Variants in KHDRBS2 observed in about 807,000 individuals in gnomAD.
KHDRBS2 encodes KH RNA binding domain containing, signal transduction associated 2.
KHDRBS2 carries 26 observed loss-of-function variants against 44.3 expected under a neutral mutation model. That is an observed-to-expected ratio of 0.59 (90% CI 0.43 to 0.81). The LOEUF (loss-of-function observed/expected upper bound fraction) is 0.81, where lower values mean the gene tolerates loss of function less well. Among genes scored for constraint, KHDRBS2 ranks in the 40% least tolerant of loss-of-function variants. The pLI is 0.00. For missense variants in KHDRBS2, 476 were observed against 433.1 expected, an observed-to-expected ratio of 1.10 and a Z score of -0.88; for synonymous variants, 194 against 151.1, an observed-to-expected ratio of 1.28 and a Z score of -2.08.
chr6:61,559,535 G>A, the KHDRBS2 span, among the ~76,000 whole-genome samples: 1 of 151,966 alleles, frequency 6.6e-6, no homozygotes, highest in Non-Finnish European at 1.5e-5. Flanking sequence ...TTCTCTGATG[G>A]TATGTTTTAA....
At position 61,830,307 on chromosome 6, in the gene KHDRBS2, T is replaced by C. The variant is rs925991036; in HGVS notation, c.810+64328A>G. Among the ~76,000 whole-genome samples the C allele has an allele frequency of 3.9e-5, 6 of 152,176 alleles. 1 individual carries two copies. Among genetic ancestry groups the C allele is most frequent in the African/African-American group, 9.6e-5 (4 of 41,462 alleles). ...CTGTTTGGGGTAAGCCTGGAGTGAA[T>C]TTCAAGAATGATAAATTGACAGCTA... is the stretch of plus-strand genomic sequence containing the variant. On this transcript the variant is annotated intron_variant, in intron 6 of 8. Transcript: ENST00000281156.
At chr6:61,846,130 T>C (rs955857227) in intron 6 of KHDRBS2, among the ~76,000 whole-genome samples, 32 of 152,318 alleles carry the variant, frequency 2.1e-4, no homozygotes, top group African/African-American at 7.2e-4. Flanking sequence ...GAGCAGATGA[T>C]CCTATGCTTC....
intron 4 of KHDRBS2, among the ~76,000 whole-genome samples, chr6:61,913,795 T>C (rs568598842): frequency 2.6e-5 from 4 of 152,142 alleles, no homozygotes; most frequent in African/African-American, 7.2e-5. Flanking sequence ...GAGTCTGTCA[T>C]GTGTGGATCT....
At chr6:62,097,162 G>A (rs558269704) in intron 2 of KHDRBS2, among the ~76,000 whole-genome samples, 15 of 151,372 alleles carry the variant, frequency 9.9e-5, no homozygotes, top group East Asian at 1.9e-4. Flanking sequence ...GACCTAACCC[G>A]GAGACTATTT....
the KHDRBS2 span, among the ~76,000 whole-genome samples, chr6:61,598,856 T>TTG: frequency 8.5e-6 from 1 of 117,778 alleles, no homozygotes; most frequent in Non-Finnish European, 1.7e-5. Flanking sequence ...TTTTTTTTTT[T>TTG]TTGCACATCA....
intron 2 of KHDRBS2, among the ~76,000 whole-genome samples, chr6:62,057,210 T>C (rs1218673142): frequency 6.6e-6 from 1 of 151,970 alleles, no homozygotes; most frequent in East Asian, 1.9e-4. Context: ...CTCAAAAGTA[T>C]TTACCTGTCA....
intron 6 of KHDRBS2, among the ~76,000 whole-genome samples, chr6:61,811,621 T>G (rs1788128751): frequency 6.6e-6 from 1 of 152,196 alleles, no homozygotes; most frequent in Non-Finnish European, 1.5e-5. Context: ...CTGTTATTTT[T>G]GACTTTCTAA....
intron 1 of KHDRBS2, among the ~76,000 whole-genome samples, chr6:62,184,497 A>T (rs1823027161): frequency 6.6e-6 from 1 of 151,812 alleles, no homozygotes; most frequent in Non-Finnish European, 1.5e-5. Flanking sequence ...ATAAATACAT[A>T]AAAGAAAAGA....
chr6:61,925,725 C>CAAAAAA lies in KHDRBS2; in HGVS notation c.484-24360_484-24355dup, dbSNP rs563177938. Reference sequence around the variant, plus strand: ...CAACAGAGTAAGGCTCTCTCTCTCTCAAAAAAAAAAAAAAAAGAAATTTGT... The same window carrying CAAAAAA: ...CAACAGAGTAAGGCTCTCTCTCTCTCAAAAAAAAAAAAAAAAAAAAAAGAAATTTGT... On this transcript the variant is annotated intron_variant, in intron 4 of 8. Coordinates refer to ENST00000281156, the MANE Select transcript of KHDRBS2 (RefSeq NM_152688.4). 2.8e-3 allele frequency among the ~76,000 whole-genome samples: 253 copies of CAAAAAA among 89,212 alleles called. 2 individuals carry two copies. Among genetic ancestry groups the CAAAAAA allele is most frequent in the East Asian group, 6.4e-3 (20 of 3,142 alleles). The allele number at this position is 89,212 out of a possible 152,430, so 58.5% of individuals were successfully genotyped here. A position where few individuals can be genotyped will look rare whatever the true frequency, so the allele number is the denominator to read the frequency against.
chr6:61,705,908 A>G (rs1769457814), intron 7 of KHDRBS2, among the ~76,000 whole-genome samples: 1 of 151,790 alleles, frequency 6.6e-6, no homozygotes, highest in Non-Finnish European at 1.5e-5. Flanking sequence ...TTGAAAATCC[A>G]TCTTTATATG....
At chr6:61,814,309 G>T (rs984702340) in intron 6 of KHDRBS2, among the ~76,000 whole-genome samples, 1 of 152,094 alleles carries the variant, frequency 6.6e-6, no homozygotes, top group African/African-American at 2.4e-5. Flanking sequence ...GAACTAATTA[G>T]TTACATTAAA....
At chr6:62,034,511 A>T (rs1784905376) in intron 3 of KHDRBS2, among the ~76,000 whole-genome samples, 1 of 151,908 alleles carries the variant, frequency 6.6e-6, no homozygotes, top group African/African-American at 2.4e-5. Context: ...AATCAACATG[A>T]TACATCAGTT....
chr6:62,225,576 G>C (rs558353838), intron 1 of KHDRBS2, among the ~76,000 whole-genome samples: 3 of 152,122 alleles, frequency 2.0e-5, no homozygotes, highest in African/African-American at 7.2e-5. Context: ...AACATGTAGG[G>C]TTGTTACATA....
At position 62,128,423 on chromosome 6, in the gene KHDRBS2, G is replaced by C. The variant is rs145993227; in HGVS notation, c.219+48762C>G. Among the ~76,000 whole-genome samples, 585 of 152,106 alleles carry C rather than the reference G, an allele frequency of 3.8e-3. 2 individuals carry two copies. The highest frequency in any genetic ancestry group is 0.014 in the African/African-American group (566 of 41,532). Reference sequence around the variant, plus strand: ...GACAGTCCAAGTATTCATCATGTAAGCTTTTTCTCTTTAAGAATGTGTTTT... The same window carrying C: ...GACAGTCCAAGTATTCATCATGTAACCTTTTTCTCTTTAAGAATGTGTTTT... On this transcript the variant is annotated intron_variant, in intron 2 of 8. Transcript: ENST00000281156.
chr6:61,834,366 A>G (rs1792313082), intron 6 of KHDRBS2, among the ~76,000 whole-genome samples: 1 of 152,110 alleles, frequency 6.6e-6, no homozygotes, highest in Non-Finnish European at 1.5e-5. Flanking sequence ...AATATAAAAT[A>G]CAATGAAACT....
chr6:61,758,425 C>A (rs933854112), intron 6 of KHDRBS2, among the ~76,000 whole-genome samples: 2 of 151,688 alleles, frequency 1.3e-5, no homozygotes, highest in Non-Finnish European at 2.9e-5. Flanking sequence ...GAATGTTTGA[C>A]AAATAGGTTC....
intron 6 of KHDRBS2, among the ~76,000 whole-genome samples, chr6:61,840,176 C>T (rs77504110): frequency 0.067 from 10,151 of 152,124 alleles, 404 homozygotes; most frequent in Middle Eastern, 0.12. Flanking sequence ...AGGATTCACA[C>T]TGTAAACTGA....
intron 1 of KHDRBS2, among the ~76,000 whole-genome samples, chr6:62,272,641 G>A (rs962237684): frequency 2.6e-5 from 4 of 152,112 alleles, no homozygotes; most frequent in Non-Finnish European, 5.9e-5. Context: ...GTATCAAGAT[G>A]TTGGCAGTGA....
At chr6:61,734,700 C>A (rs543144113) in intron 6 of KHDRBS2, among the ~76,000 whole-genome samples, 1 of 151,994 alleles carries the variant, frequency 6.6e-6, no homozygotes, top group Non-Finnish European at 1.5e-5. Flanking sequence ...TCTCATACAC[C>A]TTTTCCTTTC....
Sources: allele counts gnomAD v4.1 joint callset (sites outside exome capture counted in the v4.1 genomes callset), GRCh38; gene constraint gnomAD v4.1.1; transcripts MANE v1.5; gene names NCBI Gene and HGNC (gene_info 2026-07-23, HGNC 2026-07-21).